PCNX2: variants seen among roughly 807,000 people sequenced by gnomAD.
PCNX2 encodes pecanex 2, also known as pecanex-like protein 2.
In PCNX2, 168 loss-of-function variants were observed where a neutral mutation model predicts 223.8. The observed-to-expected ratio is 0.75, with a 90% CI of 0.66 to 0.85. The LOEUF (loss-of-function observed/expected upper bound fraction) is 0.85. Among genes scored for constraint, PCNX2 ranks in the 40% least tolerant of loss-of-function variants. The pLI is 0.00. For synonymous variants in PCNX2, 1,006 were observed against 1,052.6 expected (o/e 0.96, Z 0.86); for missense variants, 2,507 against 2,675.5 (o/e 0.94, Z 1.39).
chr1:233,031,508 T>C (rs1671263043), intron 25 of PCNX2, among the ~76,000 whole-genome samples: 1 of 152,250 alleles, frequency 6.6e-6, no homozygotes, highest in African/African-American at 2.4e-5. Context: ...TGGTGGCAGA[T>C]AAAGAAAGGC....
intron 32 of PCNX2, 101 bp from the exon 33 acceptor site, chr1:232,986,641 C>A: frequency 9.1e-7 from 1 of 1,102,880 alleles, no homozygotes; most frequent in South Asian, 1.8e-5. Context: ...CCCAAGGACC[C>A]CTCCTCAGTG....
chr1:233,007,924 C>T (rs373871734), intron 28 of PCNX2, among the ~76,000 whole-genome samples: 14 of 152,142 alleles, frequency 9.2e-5, no homozygotes, highest in Middle Eastern at 3.4e-3. Flanking sequence ...AGAGATCCAC[C>T]CACCTCAGCC....
intron 13 of PCNX2, chr1:233,202,218 TA>T (rs1345455749): frequency 4.3e-6 from 2 of 468,250 alleles, no homozygotes; most frequent in Admixed American, 2.4e-5. Context: ...TTTTCAGAAG[TA>T]AAAAAGTCTT....
At chr1:233,078,947 C>A (rs1464398537) in intron 23 of PCNX2, among the ~76,000 whole-genome samples, 2 of 152,170 alleles carry the variant, frequency 1.3e-5, no homozygotes, top group African/African-American at 4.8e-5. Flanking sequence ...GTCAGCAAAA[C>A]AGTGGGATGG....
intron 32 of PCNX2, among the ~76,000 whole-genome samples, chr1:232,987,017 T>C (rs1669515977): frequency 6.6e-6 from 1 of 152,242 alleles, no homozygotes; most frequent in Non-Finnish European, 1.5e-5. Context: ...TGCAGGGTTC[T>C]GTCATTTTTA....
intron 25 of PCNX2, chr1:233,047,388 C>T: frequency 2.0e-6 from 2 of 985,154 alleles, no homozygotes; most frequent in South Asian, 4.7e-5. Flanking sequence ...TAACTTGGAC[C>T]CTTTAAACTC....
chr1:233,193,898 T>C (rs959140544), intron 15 of PCNX2, among the ~76,000 whole-genome samples: 2 of 152,008 alleles, frequency 1.3e-5, no homozygotes, highest in African/African-American at 4.8e-5. Flanking sequence ...AAAAAGACTA[T>C]AGCATACAAA....
At chr1:233,082,991 G>A (rs1450668741) in intron 23 of PCNX2, among the ~76,000 whole-genome samples, 4 of 152,180 alleles carry the variant, frequency 2.6e-5, no homozygotes, top group Admixed American at 1.3e-4. Context: ...GAGCGGAAAC[G>A]TAAACTTCCT....
intron 28 of PCNX2, among the ~76,000 whole-genome samples, chr1:233,004,414 G>A (rs1479697655): frequency 1.3e-5 from 2 of 151,818 alleles, no homozygotes; most frequent in African/African-American, 4.8e-5. Flanking sequence ...GTAGGTTTGG[G>A]AAAGCAACTC....
chr1:233,017,684 G>T (rs946193757), intron 26 of PCNX2, among the ~76,000 whole-genome samples: 4 of 152,078 alleles, frequency 2.6e-5, no homozygotes, highest in Non-Finnish European at 5.9e-5. Context: ...CCTACAGATA[G>T]TATCACTTGT....
Position 233,123,380 on chromosome 1 carries a change from G to A in PCNX2, c.3837+11633C>T, listed in dbSNP as rs553688161. Among the ~76,000 whole-genome samples, 241 of 152,256 alleles carry A rather than the reference G, an allele frequency of 1.6e-3. 1 individual carries two copies. The highest frequency in any genetic ancestry group is 5.7e-3 in the African/African-American group (236 of 41,556). On this transcript the variant is annotated intron_variant, in intron 21 of 33. Transcript: ENST00000258229. ...GCGGATCACGAGGTCAGGAGTTCAA[G>A]ACTAGCCTGGCCAACATGGTGAAAC...
chr1:233,311,181 T>C, the PCNX2 span, among the ~76,000 whole-genome samples: 5 of 152,250 alleles, frequency 3.3e-5, no homozygotes, highest in African/African-American at 1.2e-4. Context: ...GGGATTTCTT[T>C]GTTACCATAG....
chr1:233,138,784 A>C (rs1227027052), intron 20 of PCNX2, among the ~76,000 whole-genome samples: 1 of 152,228 alleles, frequency 6.6e-6, no homozygotes, highest in Non-Finnish European at 1.5e-5. Flanking sequence ...GGCAGAGTTC[A>C]ATAAGGACAG....
chr1:233,139,810 T>G lies in PCNX2; in HGVS notation c.3563A>C (p.Gln1188Pro), dbSNP rs757434665. ...MWFERLYVWLQCFEKYILYPA... is the reference protein window; with the variant it reads ...MWFERLYVWLPCFEKYILYPA... ...GTACAAGATGTATTTTTCAAAACAC[T>G]GAAGCCAAACATAGAGTCTTTCGAA... is the stretch of plus-strand genomic sequence containing the variant. The change falls in exon 20 of 34, where the codon CAG becomes CCG. Residue 1188 changes from glutamine (Q) to proline (P), a missense_variant. Transcript: ENST00000258229. This position sits in a 1 kb window ranked among gnomAD's most constrained non-coding sequence, Gnocchi z 4.4. The G allele has an allele frequency of 1.2e-6, 2 of 1,613,594 alleles. No homozygotes were observed. The highest frequency in any genetic ancestry group is 2.2e-5 in the South Asian group (2 of 90,992).
At chr1:233,296,764 G>A (rs1322031624), upstream of PCNX2, among the ~76,000 whole-genome samples, 1 of 152,198 alleles carries the variant, frequency 6.6e-6, no homozygotes, top group Non-Finnish European at 1.5e-5. Context: ...GTGCCTGCCT[G>A]TGTCCTGGCC....
chr1:233,325,513 A>AAC, the PCNX2 span, among the ~76,000 whole-genome samples: 4 of 151,044 alleles, frequency 2.6e-5, no homozygotes, highest in Non-Finnish European at 5.9e-5. Flanking sequence ...AAAAAAAAAA[A>AAC]AAACCAAAAA....
chr1:233,103,323 T>C (rs10910659), intron 21 of PCNX2, among the ~76,000 whole-genome samples: 24,189 of 152,104 alleles, frequency 0.16, 2,540 homozygotes, highest in Admixed American at 0.29. Flanking sequence ...GTACAATTAA[T>C]TTATTATTGA....
intron 15 of PCNX2, 133 bp from the exon 16 acceptor site, chr1:233,179,308 G>C (rs956675162): frequency 1.1e-6 from 1 of 914,384 alleles, no homozygotes; most frequent in Non-Finnish European, 1.6e-6. Flanking sequence ...CCTGCCCACG[G>C]ACATATAAGC....
rs374455408 is a variant in PCNX2 at position 233,188,190 on chromosome 1, C to A, written c.3067-9015G>T. On this transcript the variant is annotated intron_variant, in intron 15 of 33. Coordinates refer to ENST00000258229, the MANE Select transcript of PCNX2 (RefSeq NM_014801.4). ...ACTGAAATGTCAGTGTTGGCTGGAC[C>A]TCTGATCTTATCTCACACTCGGGGT... Among the ~76,000 whole-genome samples, 13 of 152,232 alleles carry A rather than the reference C, an allele frequency of 8.5e-5. No homozygotes were observed. In the East Asian group the frequency reaches 2.1e-3, roughly 25 times the overall value.
Sources: gnomAD v4.1 joint callset for allele counts (sites outside exome capture counted in the v4.1 genomes callset) on GRCh38, gnomAD v4.1.1 for gene constraint, Gnocchi (gnomAD v3.1) non-coding constraint, MANE v1.5 for transcripts, NCBI Gene and HGNC (gene_info 2026-07-23, HGNC 2026-07-21) for gene names.